Variants in CFAP44 observed in about 807,000 individuals in gnomAD.
CFAP44 encodes the protein cilia and flagella associated protein 44.
A neutral mutation model predicts 216.2 loss-of-function variants in CFAP44; 134 were observed. That is an observed-to-expected ratio of 0.62 (90% CI 0.54 to 0.72). The LOEUF is 0.72. CFAP44 is among the 30% of genes least tolerant of loss of function. The pLI, the probability that CFAP44 is intolerant of heterozygous loss-of-function variation, is 0.00. For synonymous variants in CFAP44, 700 were observed against 727.6 expected (o/e 0.96, Z 0.61); for missense variants, 2,035 against 2,182.1 (o/e 0.93, Z 1.34).
At chr3:113,419,828 T>C (rs1408198859) in intron 5 of CFAP44, among the ~76,000 whole-genome samples, 189 bp downstream of exon 5, 1 of 152,108 alleles carries the variant, frequency 6.6e-6, no homozygotes, top group Non-Finnish European at 1.5e-5. Context: ...TGCACAGAGG[T>C]AGTGACAGTG....
At chr3:113,437,176 G>T (rs1224811390) in intron 1 of CFAP44, among the ~76,000 whole-genome samples, 1 of 151,756 alleles carries the variant, frequency 6.6e-6, no homozygotes, top group Non-Finnish European at 1.5e-5. Context: ...TTAAAGCCAG[G>T]AATAATGGGT....
intron 22 of CFAP44, among the ~76,000 whole-genome samples, chr3:113,348,342 A>AT: frequency 6.6e-6 from 1 of 152,172 alleles, no homozygotes. Flanking sequence ...GAGGTGGCTC[A>AT]TTTTTTTCTG....
intron 21 of CFAP44, among the ~76,000 whole-genome samples, chr3:113,359,788 T>C (rs566930911): frequency 8.9e-4 from 135 of 152,168 alleles, no homozygotes; most frequent in South Asian, 5.0e-3. Context: ...GAAAAAAAGC[T>C]AACCACTAGC....
At chr3:113,439,529 C>A (rs1935310439) in intron 1 of CFAP44, among the ~76,000 whole-genome samples, 2 of 152,108 alleles carry the variant, frequency 1.3e-5, no homozygotes, top group African/African-American at 4.8e-5. Context: ...CCTTTAAAAC[C>A]CTTGTTTTCC....
intron 15 of CFAP44, among the ~76,000 whole-genome samples, chr3:113,391,031 A>G (rs1211052104): frequency 6.6e-6 from 1 of 152,138 alleles, no homozygotes; most frequent in Non-Finnish European, 1.5e-5. Flanking sequence ...CTCAGAATAG[A>G]CAAAGCTATG....
At chr3:113,417,371 A>C (rs996430288) in intron 5 of CFAP44, 1 of 152,240 alleles carries the variant, frequency 6.6e-6, no homozygotes, top group African/African-American at 2.4e-5. Context: ...CAGTATTTTC[A>C]AAGATAGCCA....
At position 113,291,608 on chromosome 3, in the gene CFAP44, G is replaced by C. The variant is rs946059536; in HGVS notation, c.5514C>G (p.Leu1838=). 1 of 1,537,138 alleles carries C rather than the reference G, an allele frequency of 6.5e-7. No homozygotes were observed. Among genetic ancestry groups the C allele is most frequent in the African/African-American group, 1.4e-5 (1 of 73,032 alleles). ...ALLRRKGSLI[L]PPIQSPREKE... Reference sequence around the variant, plus strand: ...TCTCTCGTGGAGACTGAATGGGTGGGAGGATAAGACTGCCTTTCCTACGCA... The same window carrying C: ...TCTCTCGTGGAGACTGAATGGGTGGCAGGATAAGACTGCCTTTCCTACGCA... The change falls in exon 35 of 35, where the codon CTC becomes CTG. Residue 1838 remains leucine, a synonymous_variant. Transcript: ENST00000393845.
chr3:113,406,643 C>G (rs1358126731), intron 8 of CFAP44, among the ~76,000 whole-genome samples: 1 of 148,802 alleles, frequency 6.7e-6, no homozygotes, highest in Non-Finnish European at 1.5e-5. Flanking sequence ...AAAAAAGTAA[C>G]AAATATGTCA....
At position 113,294,704 on chromosome 3, in the gene CFAP44, T is replaced by C; in HGVS notation, c.5356A>G (p.Thr1786Ala). The C allele has an allele frequency of 2.6e-6, 4 of 1,534,674 alleles. No homozygotes were observed. The highest frequency in any genetic ancestry group is 3.5e-6 in the Non-Finnish European group (4 of 1,146,170). The change falls in exon 34 of 35, where the codon ACA becomes GCA. Residue 1786 changes from threonine to alanine, a missense_variant. Physicochemically the swap from Thr to Ala is moderately conservative, Grantham distance 58. Around this residue, in one of 3 missense-constraint regions of CFAP44, gnomAD observed 1,883 missense variants for 2,023.7 expected, o/e 0.93. Coordinates refer to ENST00000393845, the MANE Select transcript of CFAP44 (RefSeq NM_001164496.2). ...EKKKLDSRLN[T>A]LQNQQGNAFQ... ...GAACATACCTGCTGATTCTGTAGTG[T>C]ATTCAACCGAGAATCAAGTTTCTTC...
intron 4 of CFAP44, among the ~76,000 whole-genome samples, chr3:113,425,556 A>G (rs1329384338): frequency 6.6e-6 from 1 of 152,234 alleles, no homozygotes; most frequent in African/African-American, 2.4e-5. Flanking sequence ...CATCTGATAT[A>G]TAATGTGAAA....
Position 113,291,528 on chromosome 3 carries a change from T to A in CFAP44, c.*29A>T. The A allele has an allele frequency of 1.3e-6, 2 of 1,528,024 alleles. No individual in the cohort carries two copies. The highest frequency in any genetic ancestry group is 2.7e-5 in the African/African-American group (2 of 72,888). 94.7% of individuals were successfully genotyped at this position (1,528,024 alleles called of 1,614,324 possible). On this transcript the variant is annotated 3_prime_UTR_variant, in exon 35 of 35. Transcript: ENST00000393845. ...AACTTCCAGTGAGTTATGTCAGAAA[T>A]CTTGTATGGGTTTGAGAAAATAGCA...
At chr3:113,302,429 T>A (rs1336488103) in intron 32 of CFAP44, among the ~76,000 whole-genome samples, 1 of 129,004 alleles carries the variant, frequency 7.8e-6, no homozygotes, top group African/African-American at 3.0e-5. Flanking sequence ...ATTTAAAACA[T>A]CTGTATCCAA....
intron 22 of CFAP44, among the ~76,000 whole-genome samples, chr3:113,351,587 A>G (rs1253250458): frequency 6.6e-6 from 1 of 152,160 alleles, no homozygotes; most frequent in African/African-American, 2.4e-5. Flanking sequence ...AGAAAGGAGG[A>G]CTCTGAACCT....
In CFAP44 at chr3:113,303,964, G is replaced by A. The variant is rs1010372271; in HGVS notation, c.5029C>T (p.Arg1677Cys). The A allele has an allele frequency of 3.6e-5, 55 of 1,537,426 alleles. No individual in the cohort carries two copies. The highest frequency in any genetic ancestry group is 5.9e-5 in the South Asian group (5 of 84,036). The change falls in exon 32 of 35, where the codon CGT becomes TGT. Residue 1677 changes from arginine (R) to cysteine (C), a missense_variant. Transcript: ENST00000393845. ...QKLNKEWRER[R>C]KQLIREKREM... ...CTCTTTTCTCGGATGAGCTGTTTAC[G>A]TCTCTCTCTCCATTCTTTGTTAAGT...
At chr3:113,334,816 G>C (rs1428108477) in intron 24 of CFAP44, among the ~76,000 whole-genome samples, 1 of 152,182 alleles carries the variant, frequency 6.6e-6, no homozygotes, top group Non-Finnish European at 1.5e-5. Context: ...GGTATCTAAA[G>C]GTATGGGCTA....
intron 19 of CFAP44, among the ~76,000 whole-genome samples, chr3:113,364,051 T>A (rs763010065): frequency 2.0e-5 from 3 of 152,044 alleles, no homozygotes; most frequent in Non-Finnish European, 4.4e-5. Context: ...ATAATCCCCC[T>A]CCTTGAAAGA....
chr3:113,423,180 A>C (rs1055217292), intron 4 of CFAP44, among the ~76,000 whole-genome samples: 1 of 144,278 alleles, frequency 6.9e-6, no homozygotes, highest in African/African-American at 2.6e-5. Context: ...AGTGGCATGA[A>C]CATGGCTCCC....
intron 5 of CFAP44, 49 bp downstream of exon 5, chr3:113,419,967 CA>C (rs748451268): frequency 6.3e-7 from 1 of 1,590,586 alleles, no homozygotes; most frequent in South Asian, 1.1e-5. Context: ...ACAGAACAAG[CA>C]AAAAGATAGG....
At chr3:113,399,337 T>G (rs1007253774) in intron 13 of CFAP44, among the ~76,000 whole-genome samples, 3 of 152,202 alleles carry the variant, frequency 2.0e-5, no homozygotes, top group Admixed American at 6.5e-5. Context: ...TTTATGCCAC[T>G]ACATTTTGAG....
Sources: allele counts gnomAD v4.1 joint callset (sites outside exome capture counted in the v4.1 genomes callset), GRCh38; gene constraint gnomAD v4.1.1; regional missense constraint gnomAD v4.1.1; transcripts MANE v1.5; gene names NCBI Gene and HGNC (gene_info 2026-07-23, HGNC 2026-07-21).